PHF2: variants seen among roughly 807,000 people sequenced by gnomAD.
PHF2 encodes lysine-specific demethylase PHF2.
In PHF2, 27 loss-of-function variants were observed where a neutral mutation model predicts 120.5. The ratio of observed to expected loss-of-function variants is 0.22; its 90% CI spans 0.17 to 0.31. The LOEUF (loss-of-function observed/expected upper bound fraction) is 0.31, where lower values mean the gene tolerates loss of function less well. Ranked by LOEUF, PHF2 falls within the 10% of genes least tolerant of loss-of-function variation. The pLI is 1.00. For synonymous variants in PHF2, 568 were observed against 592.5 expected (o/e 0.96, Z 0.60); for missense variants, 1,024 against 1,434.8 (o/e 0.71, Z 4.63).
At chr9:93,675,512 G>A (rs921931325) in intron 19 of PHF2, among the ~76,000 whole-genome samples, 168 bp from the exon 20 acceptor site, 3 of 152,280 alleles carry the variant, frequency 2.0e-5, no homozygotes, top group African/African-American at 7.2e-5. Flanking sequence ...CTTGGGTGGG[G>A]CAGCTGACCC....
At chr9:93,665,662 C>T in intron 14 of PHF2, 24 bp from the exon 15 acceptor site, 1 of 1,610,598 alleles carries the variant, frequency 6.2e-7, no homozygotes, top group African/African-American at 1.3e-5. Flanking sequence ...GTGGATGCTG[C>T]TGACCCACTC....
chr9:93,649,378 T>TTTCC (rs1454668770), intron 5 of PHF2, among the ~76,000 whole-genome samples, 166 bp downstream of exon 5: 367 of 124,686 alleles, frequency 2.9e-3, no homozygotes, highest in African/African-American at 0.012. Context: ...TTTTTCCTTT[T>TTTCC]TTTTTTTTTT....
chr9:93,648,737 G>A (rs1826305396), intron 4 of PHF2, among the ~76,000 whole-genome samples: 1 of 152,030 alleles, frequency 6.6e-6, no homozygotes, highest in Non-Finnish European at 1.5e-5. Flanking sequence ...TGAATTACTT[G>A]GAACATAACA....
chr9:93,590,110 C>T (rs538607089), intron 1 of PHF2, among the ~76,000 whole-genome samples: 60 of 152,284 alleles, frequency 3.9e-4, no homozygotes, highest in Non-Finnish European at 7.2e-4. Flanking sequence ...TATAGCATTT[C>T]GGATTTTAAA....
At chr9:93,625,912 G>T (rs887195198) in intron 1 of PHF2, among the ~76,000 whole-genome samples, 4 of 151,928 alleles carry the variant, frequency 2.6e-5, no homozygotes, top group African/African-American at 9.7e-5. Context: ...ATGTAAGAGG[G>T]TTATGATTTC....
intron 17 of PHF2, among the ~76,000 whole-genome samples, chr9:93,668,086 T>G (rs866622517): frequency 2.6e-5 from 4 of 152,224 alleles, no homozygotes; most frequent in African/African-American, 9.6e-5. Flanking sequence ...AAAAGAGCTT[T>G]TGCTAAATCA....
In PHF2 at chr9:93,677,613, G is replaced by A. The variant is rs1404390297; in HGVS notation, c.3228G>A (p.Ala1076=). The A allele has an allele frequency of 2.0e-5, 32 of 1,613,680 alleles. No individual in the cohort carries two copies. Among genetic ancestry groups the A allele is most frequent in the Middle Eastern group, 1.6e-4 (1 of 6,084 alleles). ...AKGKRTKKGM[A]TAKQRLGKIL... is the part of the protein sequence containing the mutation. ...GAAAACGTACGAAAAAGGGCATGGC[G>A]ACCGCCAAGCAGAGGCTTGGGAAAA... is the stretch of plus-strand genomic sequence containing the variant. Residue 1076 remains alanine (A), a synonymous_variant, in exon 22 of 22, where the codon GCG becomes GCA. Coordinates refer to ENST00000359246, the MANE Select transcript of PHF2 (RefSeq NM_005392.4). The surrounding 1 kb of genome is among the most constrained non-coding windows in gnomAD (Gnocchi z 4.4).
intron 3 of PHF2, among the ~76,000 whole-genome samples, chr9:93,645,087 CAGA>C (rs1826232195): frequency 6.6e-6 from 1 of 152,188 alleles, no homozygotes; most frequent in Non-Finnish European, 1.5e-5. Context: ...GAGAGAGAGA[CAGA>C]AGGAGACCTG....
intron 1 of PHF2, among the ~76,000 whole-genome samples, chr9:93,617,237 T>C (rs112543973): frequency 3.3e-5 from 5 of 152,288 alleles, no homozygotes; most frequent in African/African-American, 1.2e-4. Flanking sequence ...GGCTGCACCC[T>C]GTAGCCTGCA....
intron 1 of PHF2, among the ~76,000 whole-genome samples, chr9:93,580,510 A>G (rs1385558257): frequency 6.6e-6 from 1 of 152,156 alleles, no homozygotes; most frequent in African/African-American, 2.4e-5. Flanking sequence ...CCTGCCTGCA[A>G]AGTGAGCTGG....
At chr9:93,588,521 G>A (rs1030683153) in intron 1 of PHF2, among the ~76,000 whole-genome samples, 1 of 152,158 alleles carries the variant, frequency 6.6e-6, no homozygotes, top group African/African-American at 2.4e-5. Context: ...CCGAGTCTGT[G>A]GGACTCAGAG....
chr9:93,615,649 CAG>C (rs1564382153), intron 1 of PHF2, among the ~76,000 whole-genome samples: 1 of 152,200 alleles, frequency 6.6e-6, no homozygotes, highest in East Asian at 1.9e-4. Context: ...CTGGGTGTCA[CAG>C]GCTGCAGGTG....
chr9:93,667,416 G>A (rs1346079252), intron 17 of PHF2, among the ~76,000 whole-genome samples, 176 bp downstream of exon 17: 1 of 152,214 alleles, frequency 6.6e-6, no homozygotes, highest in Non-Finnish European at 1.5e-5. Context: ...CGTCCCACTG[G>A]GGCTTTCCTT....
chr9:93,614,740 G>C (rs922746880), intron 1 of PHF2, among the ~76,000 whole-genome samples: 5 of 148,042 alleles, frequency 3.4e-5, no homozygotes, highest in Non-Finnish European at 7.5e-5. Flanking sequence ...TGAAAGCTAG[G>C]GTCATGGTCC....
At chr9:93,592,994 C>T (rs1394665376) in intron 1 of PHF2, among the ~76,000 whole-genome samples, 1 of 147,952 alleles carries the variant, frequency 6.8e-6, no homozygotes, top group African/African-American at 2.5e-5. Context: ...GGGCAGGGCA[C>T]ATCCAGAGGT....
intron 1 of PHF2, among the ~76,000 whole-genome samples, chr9:93,615,042 G>A (rs1825702043): frequency 6.7e-6 from 1 of 149,398 alleles, no homozygotes; most frequent in Non-Finnish European, 1.5e-5. Context: ...TGGTGATAGT[G>A]ATGATGATGG....
At chr9:93,666,642 A>T (rs1267471649) in intron 16 of PHF2, among the ~76,000 whole-genome samples, 8 of 152,220 alleles carry the variant, frequency 5.3e-5, no homozygotes, top group Non-Finnish European at 1.0e-4. Context: ...TAAAAATGTT[A>T]AAAAACTGGC....
Position 93,620,070 on chromosome 9 carries a change from C to T in PHF2, c.99-9900C>T, listed in dbSNP as rs118143494. Reference sequence around the variant, plus strand: ...TCCCTCGGACTCTGCAGTCCTGGCTCACCTGACCACAAGCAGCCTGTGACC... The same window carrying T: ...TCCCTCGGACTCTGCAGTCCTGGCTTACCTGACCACAAGCAGCCTGTGACC... On this transcript the variant is annotated intron_variant, in intron 1 of 21. Coordinates refer to ENST00000359246, the MANE Select transcript of PHF2 (RefSeq NM_005392.4). Among the ~76,000 whole-genome samples the T allele has an allele frequency of 7.8e-3, 1,181 of 152,334 alleles. 6 individuals are homozygous for T. The highest frequency in any genetic ancestry group is 0.013 in the Non-Finnish European group (895 of 68,042).
At chr9:93,660,060 T>G in intron 11 of PHF2, 132 bp from the exon 12 acceptor site, 1 of 1,096,080 alleles carries the variant, frequency 9.1e-7, no homozygotes, top group East Asian at 2.7e-5. Context: ...TGGTGTGGGG[T>G]AGCTGAGCCT....
Sources: gnomAD v4.1 joint callset for allele counts (sites outside exome capture counted in the v4.1 genomes callset) on GRCh38, gnomAD v4.1.1 for gene constraint, Gnocchi (gnomAD v3.1) non-coding constraint, MANE v1.5 for transcripts, NCBI Gene and HGNC (gene_info 2026-07-23, HGNC 2026-07-21) for gene names.